Variants in KCNJ15 observed in about 807,000 individuals in gnomAD.
The protein encoded by KCNJ15 is potassium inwardly rectifying channel subfamily J member 15.
KCNJ15 carries 14 observed loss-of-function variants against 23.0 expected under a neutral mutation model. That is an observed-to-expected ratio of 0.61 (90% CI 0.40 to 0.95). The LOEUF (loss-of-function observed/expected upper bound fraction) is 0.95, where lower values mean the gene tolerates loss of function less well. Ranked by LOEUF, KCNJ15 falls within the 40% of genes least tolerant of loss-of-function variation. The probability of loss-of-function intolerance (pLI) is 0.00; values close to 1 mark genes in which losing one functional copy is unlikely to be tolerated. For synonymous variants in KCNJ15, 185 were observed against 183.2 expected, an observed-to-expected ratio of 1.01 and a Z score of -0.08; for missense variants, 388 against 461.8, an observed-to-expected ratio of 0.84 and a Z score of 1.46.
At chr21:38,278,039 A>G (rs1250135231) in intron 1 of KCNJ15, among the ~76,000 whole-genome samples, 1 of 152,210 alleles carries the variant, frequency 6.6e-6, no homozygotes, top group Non-Finnish European at 1.5e-5. Context: ...TGCATCACGC[A>G]TCAGTAAACA....
intron 1 of KCNJ15, among the ~76,000 whole-genome samples, chr21:38,250,567 G>T (rs1414744264): frequency 6.6e-6 from 1 of 152,166 alleles, no homozygotes; most frequent in African/African-American, 2.4e-5. Flanking sequence ...AGATCTGGAG[G>T]TTCACATGCT....
intron 1 of KCNJ15, among the ~76,000 whole-genome samples, chr21:38,289,109 A>G (rs374655091): frequency 6.6e-6 from 1 of 150,730 alleles, no homozygotes; most frequent in African/African-American, 2.5e-5. Context: ...AGGCACGAGA[A>G]TCATTTGAAC....
At position 38,288,030 on chromosome 21, in the gene KCNJ15, GT is replaced by G. The variant is rs71184612; in HGVS notation, c.-116-8868del. Among the ~76,000 whole-genome samples the G allele has an allele frequency of 1.2e-3, 100 of 81,450 alleles. 1 individual carries two copies. Among genetic ancestry groups the G allele is most frequent in the African/African-American group, 4.8e-3 (95 of 19,904 alleles). 53.4% of individuals were successfully genotyped at this position (81,450 alleles called of 152,430 possible). A position where few individuals can be genotyped will look rare whatever the true frequency, so the allele number is the denominator to read the frequency against. On this transcript the variant is annotated intron_variant, in intron 1 of 2. Coordinates refer to ENST00000398938, the MANE Select transcript of KCNJ15 (RefSeq NM_170736.3). ...TGTTAAATAACTTGTTTTTTTCTTT[GT>G]TTTTTTTTTTTTTTTTTTTTTTTTT...
chr21:38,267,886 A>G (rs1021072473), intron 1 of KCNJ15, among the ~76,000 whole-genome samples: 1 of 152,188 alleles, frequency 6.6e-6, no homozygotes, highest in Non-Finnish European at 1.5e-5. Flanking sequence ...ACTCAGTTAA[A>G]TCTATCATGA....
In KCNJ15 at chr21:38,300,426, G is replaced by C. The variant is rs889478145; in HGVS notation, c.*37G>C. The C allele has an allele frequency of 6.5e-7, 1 of 1,541,382 alleles. No homozygotes were observed. Among genetic ancestry groups the C allele is most frequent in the South Asian group, 1.3e-5 (1 of 79,576 alleles). ...CCATCCAGGTTTAACCCTGCAAGCT[G>C]TTTCCACATCAGAACTCCCTTCAAA... On this transcript the variant is annotated 3_prime_UTR_variant, in exon 3 of 3. Coordinates refer to ENST00000398938, the MANE Select transcript of KCNJ15 (RefSeq NM_170736.3).
In KCNJ15 at chr21:38,304,442, T is replaced by A. The variant is rs968950013; in HGVS notation, c.*4053T>A. 2.0e-5 allele frequency: 3 copies of A among 151,942 alleles called. No individual in the cohort carries two copies. The highest frequency in any genetic ancestry group is 4.4e-5 in the Non-Finnish European group (3 of 67,982). The allele number at this position is 151,942 out of a possible 1,614,324, so 9.4% of individuals were successfully genotyped here. A position where few individuals can be genotyped will look rare whatever the true frequency, so the allele number is the denominator to read the frequency against. On this transcript the variant is annotated 3_prime_UTR_variant, in exon 3 of 3. Coordinates refer to ENST00000398938, the MANE Select transcript of KCNJ15 (RefSeq NM_170736.3). ...TTTATCATAGCTTTCCATGATGTAA[T>A]TTTTTAAGCGAAAGGTACTAACATT... is the stretch of plus-strand genomic sequence containing the variant.
chr21:38,256,615 G>A (rs1315670292), upstream of KCNJ15: 2 of 151,888 alleles, frequency 1.3e-5, no homozygotes, highest in African/African-American at 4.8e-5. Context: ...GTTAGAAAAG[G>A]TAATCTGGTT....
chr21:38,258,852 G>C (rs1197361628), intron 1 of KCNJ15, among the ~76,000 whole-genome samples: 4 of 152,074 alleles, frequency 2.6e-5, no homozygotes, highest in Non-Finnish European at 5.9e-5. Flanking sequence ...CAGTGTTTTG[G>C]GGGGAAAGAG....
intron 1 of KCNJ15, among the ~76,000 whole-genome samples, chr21:38,258,865 C>T (rs1000575386): frequency 2.6e-5 from 4 of 152,084 alleles, no homozygotes; most frequent in Non-Finnish European, 4.4e-5. Flanking sequence ...GGAAAGAGAG[C>T]GAGACCCCAG....
intron 1 of KCNJ15, among the ~76,000 whole-genome samples, chr21:38,290,995 A>AACACACACACACACACACACACACAC (rs57018976): frequency 9.4e-5 from 12 of 127,200 alleles, no homozygotes; most frequent in African/African-American, 3.5e-4. Flanking sequence ...AAAAAGGCTA[A>AACACACACACACACACACACACACAC]ACACACACAC....
chr21:38,289,540 C>T (rs1240361917), intron 1 of KCNJ15, among the ~76,000 whole-genome samples: 1 of 152,066 alleles, frequency 6.6e-6, no homozygotes, highest in Non-Finnish European at 1.5e-5. Context: ...CAAGACCAGC[C>T]TGGCCAACAT....
rs534409727 is a variant in KCNJ15 at position 38,304,452 on chromosome 21, G to T, written c.*4063G>T. The T allele has an allele frequency of 2.0e-5, 3 of 151,554 alleles. No individual in the cohort carries two copies. Among genetic ancestry groups the T allele is most frequent in the Non-Finnish European group, 4.4e-5 (3 of 67,928 alleles). The allele number at this position is 151,554 out of a possible 1,614,324, so 9.4% of individuals were successfully genotyped here. A position where few individuals can be genotyped will look rare whatever the true frequency, so the allele number is the denominator to read the frequency against. On this transcript the variant is annotated 3_prime_UTR_variant, in exon 3 of 3. Coordinates refer to ENST00000398938, the MANE Select transcript of KCNJ15 (RefSeq NM_170736.3). ...CTTTCCATGATGTAATTTTTTAAGC[G>T]AAAGGTACTAACATTTCCAGTCTTG... is the stretch of plus-strand genomic sequence containing the variant.
At chr21:38,239,281 C>T (rs954988873) in intron 1 of KCNJ15, among the ~76,000 whole-genome samples, 3 of 152,194 alleles carry the variant, frequency 2.0e-5, no homozygotes, top group African/African-American at 7.2e-5. Flanking sequence ...TCAGTTCCCA[C>T]AGGTTGCTGT....
intron 1 of KCNJ15, among the ~76,000 whole-genome samples, chr21:38,269,658 A>G (rs1163751689): frequency 6.6e-6 from 1 of 152,186 alleles, no homozygotes; most frequent in Non-Finnish European, 1.5e-5. Flanking sequence ...GAAAACATAT[A>G]TGGGTGTGTG....
rs116225556 is a variant in KCNJ15 at position 38,300,677 on chromosome 21, G to C, written c.*288G>C. On this transcript the variant is annotated 3_prime_UTR_variant, in exon 3 of 3. Transcript: ENST00000398938. ...TGTAGGGCAATTGGAATAATGTCCTGTTAGATAAACAGACATTTAGCAATC... is the reference window on the plus strand; with the variant it reads ...TGTAGGGCAATTGGAATAATGTCCTCTTAGATAAACAGACATTTAGCAATC... 7.7e-4 allele frequency: 248 copies of C among 322,132 alleles called. 1 individual carries two copies. Among genetic ancestry groups the C allele is most frequent in the African/African-American group, 5.0e-3 (232 of 46,384 alleles). The allele number at this position is 322,132 out of a possible 1,614,324, so 20.0% of individuals were successfully genotyped here.
In KCNJ15 at chr21:38,299,862, A is replaced by G. The variant is rs1275358371; in HGVS notation, c.601A>G (p.Asn201Asp). Residue 201 changes from asparagine (N) to aspartate (D), a missense_variant, in exon 3 of 3, where the codon AAT becomes GAT. Physicochemically the swap from Asn to Asp is conservative, Grantham distance 23 (BLOSUM62 1). Transcript: ENST00000398938. This position sits in a 1 kb window ranked among gnomAD's most constrained non-coding sequence, Gnocchi z 4.5. Reference protein sequence around the residue: ...GKLCLVIQVANMRKSLLIQCQ... With the variant: ...GKLCLVIQVADMRKSLLIQCQ... ...GCTGTGCTTGGTGATTCAGGTAGCC[A>G]ATATGAGGAAGAGCCTCTTGATTCA... 15 of 1,614,006 alleles carry G rather than the reference A, an allele frequency of 9.3e-6. No homozygotes were observed. The highest frequency in any genetic ancestry group is 1.1e-5 in the Non-Finnish European group (13 of 1,180,044).
intron 1 of KCNJ15, among the ~76,000 whole-genome samples, chr21:38,284,668 G>GTGCT (rs1307999152): frequency 6.6e-6 from 1 of 152,158 alleles, no homozygotes; most frequent in African/African-American, 2.4e-5. Context: ...GATACTCCTT[G>GTGCT]TGCTCCAAGG....
At chr21:38,235,648 G>T (rs972960696) in intron 1 of KCNJ15, among the ~76,000 whole-genome samples, 1 of 151,872 alleles carries the variant, frequency 6.6e-6, no homozygotes, top group Non-Finnish European at 1.5e-5. Context: ...TGCTACCATA[G>T]GGAGTGCCAC....
chr21:38,296,024 C>T (rs1487870094), intron 1 of KCNJ15, among the ~76,000 whole-genome samples: 3 of 151,918 alleles, frequency 2.0e-5, no homozygotes, highest in Non-Finnish European at 2.9e-5. Flanking sequence ...TCAGAAGAAA[C>T]GTAGGAAGTA....
Sources: allele counts gnomAD v4.1 joint callset (sites outside exome capture counted in the v4.1 genomes callset), GRCh38; gene constraint gnomAD v4.1.1; non-coding constraint Gnocchi (gnomAD v3.1); transcripts MANE v1.5; gene names NCBI Gene and HGNC (gene_info 2026-07-23, HGNC 2026-07-21).